The following KIF1A variants were observed in gnomAD, a reference collection of about 807,000 sequenced individuals.
KIF1A encodes the protein kinesin-like protein KIF1A.
In KIF1A, 46 loss-of-function variants were observed where a neutral mutation model predicts 227.3. The observed-to-expected ratio is 0.20, with a 90% CI of 0.16 to 0.26. KIF1A has a LOEUF of 0.26. Among genes scored for constraint, KIF1A ranks in the 10% least tolerant of loss-of-function variants. KIF1A has a pLI of 1.00. For missense variants in KIF1A, 1,683 were observed against 2,485.9 expected (o/e 0.68, Z 6.87); for synonymous variants, 1,022 against 1,012.8 (o/e 1.01, Z -0.17).
At position 240,741,353 on chromosome 2, in the gene KIF1A, A is replaced by T; in HGVS notation, c.3665T>A (p.Leu1222Gln). 6.3e-7 allele frequency: 1 copy of T among 1,584,910 alleles called. No homozygotes were observed. Among genetic ancestry groups the T allele is most frequent in the Non-Finnish European group, 8.5e-7 (1 of 1,169,896 alleles). The change falls in exon 35 of 49, where the codon CTG becomes CAG. Residue 1222 changes from leucine to glutamine, a missense_variant. Leu to Gln is a moderately radical substitution (Grantham distance 113). Around this residue, in one of 12 missense-constraint regions of KIF1A, gnomAD observed 759 missense variants for 1,020.2 expected, o/e 0.74. Transcript: ENST00000498729. Reference sequence around the variant, plus strand: ...GCAGGGTCCCGGACAGGGCCGCGTCAGTGTGCTGAGCTTGGTGGCGGGCAC... The same window carrying T: ...GCAGGGTCCCGGACAGGGCCGCGTCTGTGTGCTGAGCTTGGTGGCGGGCAC... ...KPVPATKLSTLTRPCPGPCHC... is the reference protein window; with the variant it reads ...KPVPATKLSTQTRPCPGPCHC...
rs67918205 is a variant in KIF1A at position 240,807,078 on chromosome 2, A to ATGTG, written c.-60-9270_-60-9267dup. ...ATTTGACCTACACATCCTCATATAT[A>ATGTG]TGTGTGTGTGTGTGTGTGTGTGTGT... is the stretch of plus-strand genomic sequence containing the variant. On this transcript the variant is annotated intron_variant, in intron 1 of 48. Coordinates refer to ENST00000498729, the MANE Select transcript of KIF1A (RefSeq NM_001244008.2). 4.9e-3 allele frequency among the ~76,000 whole-genome samples: 464 copies of ATGTG among 95,088 alleles called. 2 individuals carry two copies. Among genetic ancestry groups the ATGTG allele is most frequent in the South Asian group, 0.013 (37 of 2,818 alleles). The allele number at this position is 95,088 out of a possible 152,430, so 62.4% of individuals were successfully genotyped here.
At chr2:240,754,825 AG>A (rs1442030305) in intron 27 of KIF1A, among the ~76,000 whole-genome samples, 1 of 152,056 alleles carries the variant, frequency 6.6e-6, no homozygotes, top group Non-Finnish European at 1.5e-5. Flanking sequence ...GAGGGGCCCC[AG>A]CCCACCAAGA....
chr2:240,727,319 A>G (rs1219060588), intron 38 of KIF1A, among the ~76,000 whole-genome samples: 1 of 151,966 alleles, frequency 6.6e-6, no homozygotes, highest in Non-Finnish European at 1.5e-5. Flanking sequence ...GGGAAGGGAG[A>G]GGGGAGGGCA....
chr2:240,738,179 T>C (rs1056824250), intron 37 of KIF1A, among the ~76,000 whole-genome samples: 1 of 152,214 alleles, frequency 6.6e-6, no homozygotes, highest in African/African-American at 2.4e-5. Flanking sequence ...CCTCGGGGCC[T>C]GCACTTAAGC....
In KIF1A at chr2:240,718,992, G is replaced by T; in HGVS notation, c.5214+14C>A. 3 of 1,590,994 alleles carry T rather than the reference G, an allele frequency of 1.9e-6. No individual in the cohort carries two copies. Among genetic ancestry groups the T allele is most frequent in the Non-Finnish European group, 2.6e-6 (3 of 1,163,194 alleles). On this transcript the variant is annotated intron_variant, in intron 47 of 48. Coordinates refer to ENST00000498729, the MANE Select transcript of KIF1A (RefSeq NM_001244008.2). ...GGTTCCTGGTGCCCGAGCCTGAGCC[G>T]GGCCCAGCCGCACCTTGAGCATAGC...
At chr2:240,782,510 C>T in intron 10 of KIF1A, 80 bp downstream of exon 10, 1 of 1,451,364 alleles carries the variant, frequency 6.9e-7, no homozygotes, top group Non-Finnish European at 9.4e-7. Context: ...CGCCCCGCCC[C>T]TCACCACAGG....
intron 1 of KIF1A, among the ~76,000 whole-genome samples, chr2:240,812,923 C>CCGCCTTCACCTCGGGGATT (rs2058017720): frequency 6.8e-6 from 1 of 148,072 alleles, no homozygotes; most frequent in East Asian, 2.0e-4. Flanking sequence ...CCTCGGGGAT[C>CCGCCTTCACCTCGGGGATT]AGCCTTCACC....
chr2:240,768,719 C>T (rs1418733897), intron 17 of KIF1A, among the ~76,000 whole-genome samples: 3 of 152,218 alleles, frequency 2.0e-5, no homozygotes, highest in African/African-American at 7.2e-5. Context: ...GGGGTCCCCA[C>T]TGGAACAGTC....
chr2:240,722,211 G>A (rs1278625412), intron 43 of KIF1A, among the ~76,000 whole-genome samples: 4 of 152,246 alleles, frequency 2.6e-5, no homozygotes, highest in Non-Finnish European at 4.4e-5. Flanking sequence ...CTCCCCATCA[G>A]CACAGGTATT....
At chr2:240,785,466 C>T (rs918190729) in intron 6 of KIF1A, among the ~76,000 whole-genome samples, 4 of 152,356 alleles carry the variant, frequency 2.6e-5, no homozygotes, top group African/African-American at 7.2e-5. Context: ...CACCCTACCA[C>T]GGCCCACACC....
chr2:240,725,205 A>G lies in KIF1A; in HGVS notation c.4256+66T>C. 2.7e-6 allele frequency: 4 copies of G among 1,506,830 alleles called. No homozygotes were observed. Among genetic ancestry groups the G allele is most frequent in the Non-Finnish European group, 3.6e-6 (4 of 1,115,338 alleles). The allele number at this position is 1,506,830 out of a possible 1,614,324, so 93.3% of individuals were successfully genotyped here. A position where few individuals can be genotyped will look rare whatever the true frequency, so the allele number is the denominator to read the frequency against. Reference sequence around the variant, plus strand: ...TGGCCCAAGGACCGCTGCCAGGCAGAGCCCTGCCTGGCCCGCACCGAGACC... The same window carrying G: ...TGGCCCAAGGACCGCTGCCAGGCAGGGCCCTGCCTGGCCCGCACCGAGACC... On this transcript the variant is annotated intron_variant, in intron 40 of 48. Transcript: ENST00000498729. The surrounding 1 kb of genome is among the most constrained non-coding windows in gnomAD (Gnocchi z 5.8).
intron 1 of KIF1A, among the ~76,000 whole-genome samples, chr2:240,801,302 G>A (rs2056939677): frequency 8.2e-6 from 1 of 122,222 alleles, no homozygotes; most frequent in Non-Finnish European, 1.6e-5. Flanking sequence ...CCAGAGGACT[G>A]GAAACTATAA....
intron 33 of KIF1A, among the ~76,000 whole-genome samples, chr2:240,743,727 T>G (rs189603764): frequency 4.3e-4 from 65 of 152,286 alleles, no homozygotes; most frequent in African/African-American, 1.3e-3. Flanking sequence ...CAAGGAACTC[T>G]CTGCAGTCCC....
intron 1 of KIF1A, 155 bp from the exon 2 acceptor site, chr2:240,797,967 G>A (rs577084972): frequency 1.6e-5 from 8 of 494,528 alleles, no homozygotes; most frequent in South Asian, 3.4e-5. Flanking sequence ...AGGAGGCAGC[G>A]CAGATAATTC....
At chr2:240,809,101 A>T (rs2126216946) in intron 1 of KIF1A, among the ~76,000 whole-genome samples, 1 of 152,366 alleles carries the variant, frequency 6.6e-6, no homozygotes, top group Middle Eastern at 3.4e-3. Context: ...ATAAATGGAG[A>T]ACTATAACTT....
intron 38 of KIF1A, among the ~76,000 whole-genome samples, chr2:240,734,463 A>C (rs2047096954): frequency 6.6e-6 from 1 of 152,188 alleles, no homozygotes; most frequent in Non-Finnish European, 1.5e-5. Flanking sequence ...CAAAGCAGCC[A>C]AAATCAGGAG....
rs1433849529 is a variant in KIF1A at position 240,807,124 on chromosome 2, GTGTGTGTA to G, written c.-60-9320_-60-9313del. Reference sequence around the variant, plus strand: ...TGTGTGTGTGTGTGTGTGTGTGTGTGTGTGTGTATATATATATATATATATATACACAG... The same window carrying G: ...TGTGTGTGTGTGTGTGTGTGTGTGTGTATATATATATATATATATACACAG... On this transcript the variant is annotated intron_variant, in intron 1 of 48. Transcript: ENST00000498729. Among the ~76,000 whole-genome samples the G allele has an allele frequency of 8.6e-3, 942 of 109,508 alleles. 7 individuals carry two copies. Among genetic ancestry groups the G allele is most frequent in the Non-Finnish European group, 9.9e-3 (530 of 53,652 alleles). 71.8% of individuals were successfully genotyped at this position (109,508 alleles called of 152,430 possible).
chr2:240,766,676 G>T lies in KIF1A; in HGVS notation c.1684+239C>A, dbSNP rs1319369794. Among the ~76,000 whole-genome samples the T allele has an allele frequency of 6.6e-6, 1 of 150,502 alleles. No individual in the cohort carries two copies. The highest frequency in any genetic ancestry group is 1.5e-5 in the Non-Finnish European group (1 of 67,772). On this transcript the variant is annotated intron_variant, in intron 19 of 48. Transcript: ENST00000498729. This position sits in a 1 kb window ranked among gnomAD's most constrained non-coding sequence, Gnocchi z 5.0. The stretch of plus-strand genomic sequence containing the variant: ...CATTTTCCCAAGCACCAACCTAATG[G>T]AAGTTGTTTTTAAGGCTGGCCCCAA...
At position 240,789,455 on chromosome 2, in the gene KIF1A, C is replaced by T; in HGVS notation, c.107-143G>A. On this transcript the variant is annotated intron_variant, in intron 2 of 48. Coordinates refer to ENST00000498729, the MANE Select transcript of KIF1A (RefSeq NM_001244008.2). The surrounding 1 kb of genome is among the most constrained non-coding windows in gnomAD (Gnocchi z 4.8). ...CCCCCAAATTGGAGGGGACCTAGGACCCCACTCCCAGGCAGATGAGCTGTC... is the reference window on the plus strand; with the variant it reads ...CCCCCAAATTGGAGGGGACCTAGGATCCCACTCCCAGGCAGATGAGCTGTC... 1 of 666,540 alleles carries T rather than the reference C, an allele frequency of 1.5e-6. No individual in the cohort carries two copies. The allele number at this position is 666,540 out of a possible 1,614,324, so 41.3% of individuals were successfully genotyped here. A position where few individuals can be genotyped will look rare whatever the true frequency, so the allele number is the denominator to read the frequency against.
Sources: allele counts gnomAD v4.1 joint callset (sites outside exome capture counted in the v4.1 genomes callset), GRCh38; gene constraint gnomAD v4.1.1; regional missense constraint gnomAD v4.1.1; non-coding constraint Gnocchi (gnomAD v3.1); transcripts MANE v1.5; gene names NCBI Gene and HGNC (gene_info 2026-07-23, HGNC 2026-07-21).